Variants in STON2 observed in about 807,000 individuals in gnomAD.
The protein encoded by STON2 is stonin 2.
Under a neutral mutation model 65.7 loss-of-function variants are expected in STON2, and 29 were observed. That is an observed-to-expected ratio of 0.44 (90% CI 0.33 to 0.60). STON2 has a LOEUF of 0.60. Among genes scored for constraint, STON2 ranks in the 20% least tolerant of loss-of-function variants. The probability of loss-of-function intolerance (pLI) is 0.03; values close to 1 mark genes in which losing one functional copy is unlikely to be tolerated. For synonymous variants in STON2, 404 were observed against 414.2 expected, an observed-to-expected ratio of 0.98 and a Z score of 0.30; for missense variants, 1,054 against 1,118.1, an observed-to-expected ratio of 0.94 and a Z score of 0.82.
At chr14:81,383,608 C>T (rs1204902378) in intron 3 of STON2, among the ~76,000 whole-genome samples, 1 of 152,146 alleles carries the variant, frequency 6.6e-6, no homozygotes, top group Non-Finnish European at 1.5e-5. Flanking sequence ...CTTCAAAATA[C>T]ATCTGGAATC....
At chr14:81,286,967 C>T (rs1895356051) in intron 5 of STON2, among the ~76,000 whole-genome samples, 1 of 152,154 alleles carries the variant, frequency 6.6e-6, no homozygotes, top group South Asian at 2.1e-4. Flanking sequence ...TTCCCATTAC[C>T]TTTTGAGATT....
At chr14:81,413,341 CACCTCGA>C in intron 2 of STON2, 1 of 940,106 alleles carries the variant, frequency 1.1e-6, no homozygotes. Flanking sequence ...GCTAAGGGAA[CACCTCGA>C]TGTTCGAACC....
At chr14:81,414,279 C>T (rs1233938328) in intron 2 of STON2, among the ~76,000 whole-genome samples, 1 of 152,008 alleles carries the variant, frequency 6.6e-6, no homozygotes, top group Non-Finnish European at 1.5e-5. Flanking sequence ...GAGTTTGAAG[C>T]TTGAGGCCAG....
intron 4 of STON2, among the ~76,000 whole-genome samples, chr14:81,339,728 C>T (rs1219292605): frequency 6.6e-6 from 1 of 152,154 alleles, no homozygotes; most frequent in Non-Finnish European, 1.5e-5. Flanking sequence ...ACCTGCTCCT[C>T]AAACACTAAA....
Position 81,277,486 on chromosome 14 carries a change from C to T in STON2, c.1996G>A (p.Ala666Thr), listed in dbSNP as rs148802472. 1.8e-4 allele frequency: 289 copies of T among 1,614,132 alleles called. No homozygotes were observed. Among genetic ancestry groups the T allele is most frequent in the Middle Eastern group, 6.6e-4 (4 of 6,062 alleles). The change falls in exon 6 of 8, where the codon GCA becomes ACA. Residue 666 changes from alanine (A) to threonine (T), a missense_variant. Ala to Thr is a moderately conservative substitution (Grantham distance 58). Coordinates refer to ENST00000614646, the MANE Select transcript of STON2 (RefSeq NM_001394390.1). ...TCATTGAGGCCCAGGCGGCACTCTGCGAGCCCAGACAGGAAACTCAGGATG... is the reference window on the plus strand; with the variant it reads ...TCATTGAGGCCCAGGCGGCACTCTGTGAGCCCAGACAGGAAACTCAGGATG... ...IHILSFLSGL[A>T]ECRLGLNDIL...
chr14:81,279,024 C>T (rs1229814194), intron 5 of STON2, among the ~76,000 whole-genome samples: 1 of 152,126 alleles, frequency 6.6e-6, no homozygotes, highest in East Asian at 1.9e-4. Context: ...TATACTCTTC[C>T]TTATTTTATA....
intron 1 of STON2, among the ~76,000 whole-genome samples, chr14:81,398,850 G>A (rs111704468): frequency 1.3e-5 from 2 of 152,198 alleles, no homozygotes; most frequent in Admixed American, 6.5e-5. Context: ...CCTAATTATT[G>A]TATTTTAGAA....
intron 2 of STON2, among the ~76,000 whole-genome samples, chr14:81,421,871 A>C (rs116580459): frequency 2.0e-3 from 312 of 152,354 alleles, no homozygotes; most frequent in African/African-American, 6.7e-3. Flanking sequence ...ATGAGTGCTA[A>C]AAACACAGAC....
chr14:81,309,550 G>A (rs1461842631), intron 5 of STON2, among the ~76,000 whole-genome samples: 1 of 152,086 alleles, frequency 6.6e-6, no homozygotes, highest in Admixed American at 6.5e-5. Flanking sequence ...CTAGTGCTCT[G>A]CAAATCTGAT....
rs780353719 is a variant in STON2 at position 81,277,172 on chromosome 14, G to A, written c.2310C>T (p.Phe770=). The change falls in exon 6 of 8, where the codon TTC becomes TTT. Residue 770 remains phenylalanine (F), a synonymous_variant. Transcript: ENST00000614646. ...GAGTGAGGGGGTCACGATTGGCGGA[G>A]AAGCCAGTTGACATCCTCAGCCAGC... ...VQSWLRMSTG[F]SANRDPLTQV... The A allele has an allele frequency of 3.7e-6, 6 of 1,614,104 alleles. No homozygotes were observed. Among genetic ancestry groups the A allele is most frequent in the Non-Finnish European group, 5.1e-6 (6 of 1,180,054 alleles).
rs1894179812 is a variant in STON2, at chr14:81,262,283, T to C, written c.*6131A>G. The C allele has an allele frequency of 4.1e-6, 4 of 985,454 alleles. No homozygotes were observed. Among genetic ancestry groups the C allele is most frequent in the Non-Finnish European group, 4.8e-6 (4 of 829,926 alleles). 61.0% of individuals were successfully genotyped at this position (985,454 alleles called of 1,614,324 possible). On this transcript the variant is annotated 3_prime_UTR_variant, in exon 8 of 8. Transcript: ENST00000614646. Reference sequence around the variant, plus strand: ...CTTAATAAATCCATTATGGCATGCCTATGAGTGACTTTAAATAAACAATCC... The same window carrying C: ...CTTAATAAATCCATTATGGCATGCCCATGAGTGACTTTAAATAAACAATCC...
chr14:81,396,074 G>T lies in STON2; in HGVS notation c.193C>A (p.His65Asn). The T allele has an allele frequency of 6.2e-7, 1 of 1,613,568 alleles. No homozygotes were observed. The highest frequency in any genetic ancestry group is 8.5e-7 in the Non-Finnish European group (1 of 1,180,032). The part of the protein sequence containing the change: ...VVDGGSQDHS[H>N]SEQDDSSEKM... Reference sequence around the variant, plus strand: ...TCAGAGGAGTCATCCTGCTCCGAGTGGGAATGGTCTTGAGAGCCTCCATCC... The same window carrying T: ...TCAGAGGAGTCATCCTGCTCCGAGTTGGAATGGTCTTGAGAGCCTCCATCC... The change falls in exon 3 of 8, where the codon CAC becomes AAC. Residue 65 changes from histidine (H) to asparagine (N), a missense_variant. By Grantham distance (68) the His-to-Asn change is moderately conservative (BLOSUM62 1). Coordinates refer to ENST00000614646, the MANE Select transcript of STON2 (RefSeq NM_001394390.1).
chr14:81,357,885 T>C (rs1898316709), intron 4 of STON2, among the ~76,000 whole-genome samples: 1 of 108,366 alleles, frequency 9.2e-6, no homozygotes, highest in African/African-American at 3.7e-5. Context: ...CTGGGAACTG[T>C]TGTGGGGTGG....
intron 4 of STON2, among the ~76,000 whole-genome samples, chr14:81,365,412 A>G (rs1321869419): frequency 2.0e-5 from 3 of 152,184 alleles, no homozygotes; most frequent in Admixed American, 1.3e-4. Flanking sequence ...CAGCTTACAT[A>G]TATCTGAGCA....
chr14:81,262,487 G>A lies in STON2; in HGVS notation c.*5927C>T, dbSNP rs1266049262. ...TTCTTACTTTTAACTTTAAGAGATG[G>A]CTTCTAGTTCAAGTATTTTGAGGCT... On this transcript the variant is annotated 3_prime_UTR_variant, in exon 8 of 8. Transcript: ENST00000614646. 5.1e-6 allele frequency: 5 copies of A among 984,974 alleles called. No homozygotes were observed. Among genetic ancestry groups the A allele is most frequent in the Non-Finnish European group, 6.0e-6 (5 of 829,688 alleles). 61.0% of individuals were successfully genotyped at this position (984,974 alleles called of 1,614,324 possible).
chr14:81,325,081 C>A (rs1206115427), intron 4 of STON2, among the ~76,000 whole-genome samples: 1 of 152,146 alleles, frequency 6.6e-6, no homozygotes, highest in African/African-American at 2.4e-5. Context: ...TTTGCCTGAA[C>A]CCAAGACCTG....
chr14:81,402,184 C>T (rs1483069227), upstream of STON2, among the ~76,000 whole-genome samples: 1 of 152,108 alleles, frequency 6.6e-6, no homozygotes, highest in African/African-American at 2.4e-5. Context: ...AAGAAGTGTG[C>T]TTAAGGGAGA....
At chr14:81,435,636 C>G (rs751076900) in intron 1 of STON2, among the ~76,000 whole-genome samples, 9 of 152,180 alleles carry the variant, frequency 5.9e-5, no homozygotes, top group Non-Finnish European at 1.2e-4. Context: ...CAGGCAGCTC[C>G]TTCCAGTAGG....
Position 81,413,158 on chromosome 14 carries a change from T to C in STON2, c.-199+13944A>G, listed in dbSNP as rs1361708281. 31 of 1,433,584 alleles carry C rather than the reference T, an allele frequency of 2.2e-5. 3 individuals carry two copies. Among genetic ancestry groups the C allele is most frequent in the Non-Finnish European group, 2.9e-5 (31 of 1,055,014 alleles). The allele number at this position is 1,433,584 out of a possible 1,614,324, so 88.8% of individuals were successfully genotyped here. ...ACTGCATCGTGGGGAGGAACTTCAG[T>C]AGTTACGTGACACATGAAACCAAAC... On this transcript the variant is annotated intron_variant, in intron 2 of 8. Coordinates refer to the STON2 transcript ENST00000553821.
Sources: allele counts gnomAD v4.1 joint callset (sites outside exome capture counted in the v4.1 genomes callset), GRCh38; gene constraint gnomAD v4.1.1; transcripts MANE v1.5; gene names NCBI Gene and HGNC (gene_info 2026-07-23, HGNC 2026-07-21).